Variants in GNA14 observed in about 807,000 individuals in gnomAD.
GNA14 encodes the protein guanine nucleotide-binding protein subunit alpha-14.
In GNA14, 50 loss-of-function variants were observed where a neutral mutation model predicts 42.0. The ratio of observed to expected loss-of-function variants is 1.19; its 90% CI spans 0.95 to 1.51. GNA14 has a LOEUF of 1.51. Ranked by LOEUF, GNA14 falls within the 40% of genes most tolerant of loss-of-function variation. GNA14 has a pLI of 0.00. For synonymous variants in GNA14, 173 were observed against 163.1 expected (o/e 1.06, Z -0.46); for missense variants, 473 against 446.2 (o/e 1.06, Z -0.54).
At chr9:77,586,898 T>C (rs1453813389) in intron 1 of GNA14, among the ~76,000 whole-genome samples, 2 of 151,926 alleles carry the variant, frequency 1.3e-5, no homozygotes, top group Non-Finnish European at 2.9e-5. Flanking sequence ...ACTTTCCTAT[T>C]GGCACAGCTG....
At chr9:77,470,128 G>A (rs1836305279) in intron 2 of GNA14, among the ~76,000 whole-genome samples, 1 of 152,118 alleles carries the variant, frequency 6.6e-6, no homozygotes, top group Non-Finnish European at 1.5e-5. Flanking sequence ...TCCTCTGGAG[G>A]CGGAGAATGC....
intron 1 of GNA14, among the ~76,000 whole-genome samples, chr9:77,618,634 T>A (rs1372020563): frequency 2.1e-5 from 1 of 47,868 alleles, no homozygotes; most frequent in African/African-American, 9.8e-5. Flanking sequence ...TTTTTTTTTT[T>A]TTTTTTTTTT....
intron 1 of GNA14, among the ~76,000 whole-genome samples, chr9:77,575,366 G>A (rs1381524461): frequency 1.3e-5 from 2 of 152,046 alleles, no homozygotes; most frequent in East Asian, 3.9e-4. Context: ...TGGGCAACAA[G>A]AGTGAAACTC....
chr9:77,423,862 T>TG lies in GNA14; in HGVS notation c.*116dup, dbSNP rs375241851. The stretch of plus-strand genomic sequence containing the variant: ...CCCATCTCTGTCCCCACGATCTACA[T>TG]GACATCCTTAGTTCCTGGCATGGGG... On this transcript the variant is annotated 3_prime_UTR_variant, in exon 7 of 7. Coordinates refer to ENST00000341700, the MANE Select transcript of GNA14 (RefSeq NM_004297.4). 206 of 595,402 alleles carry TG rather than the reference T, an allele frequency of 3.5e-4. 2 individuals are homozygous for TG. Among genetic ancestry groups the TG allele is most frequent in the African/African-American group, 3.2e-3 (168 of 52,864 alleles). 36.9% of individuals were successfully genotyped at this position (595,402 alleles called of 1,614,324 possible). A position where few individuals can be genotyped will look rare whatever the true frequency, so the allele number is the denominator to read the frequency against.
At chr9:77,562,869 C>G (rs1000711961) in intron 1 of GNA14, among the ~76,000 whole-genome samples, 4 of 152,168 alleles carry the variant, frequency 2.6e-5, no homozygotes, top group Admixed American at 1.3e-4. Flanking sequence ...TCCAAGCCAA[C>G]TCACTGTAAG....
At chr9:77,531,890 AGAG>A (rs140119387) in intron 1 of GNA14, among the ~76,000 whole-genome samples, 10,208 of 152,262 alleles carry the variant, frequency 0.067, 1,142 homozygotes, top group African/African-American at 0.23. Context: ...GGTTCATACA[AGAG>A]AAGATATAGA....
At chr9:77,533,662 C>T (rs2131771643) in intron 1 of GNA14, among the ~76,000 whole-genome samples, 1 of 152,298 alleles carries the variant, frequency 6.6e-6, no homozygotes, top group South Asian at 2.1e-4. Flanking sequence ...AAAACTGCTC[C>T]TGGTCTAAGA....
intron 2 of GNA14, among the ~76,000 whole-genome samples, chr9:77,456,008 G>A (rs915546887): frequency 1.3e-5 from 2 of 152,136 alleles, no homozygotes; most frequent in South Asian, 4.1e-4. Flanking sequence ...GTTGTATAAG[G>A]AAATAGGGTA....
chr9:77,584,639 G>A (rs1398139527), intron 1 of GNA14, among the ~76,000 whole-genome samples: 1 of 152,164 alleles, frequency 6.6e-6, no homozygotes, highest in Admixed American at 6.5e-5. Flanking sequence ...CAGACCCCAG[G>A]AAAGGGTTCT....
At chr9:77,599,840 G>A (rs554142215) in intron 1 of GNA14, among the ~76,000 whole-genome samples, 5 of 152,258 alleles carry the variant, frequency 3.3e-5, no homozygotes, top group Admixed American at 6.5e-5. Flanking sequence ...CCCAGGATGA[G>A]GTGGCTAGTG....
chr9:77,432,162 CTG>C (rs1291441118), intron 3 of GNA14, among the ~76,000 whole-genome samples: 5 of 149,746 alleles, frequency 3.3e-5, no homozygotes, highest in East Asian at 2.0e-4. Flanking sequence ...GGTAAAATAA[CTG>C]TAACTCAGGC....
intron 1 of GNA14, among the ~76,000 whole-genome samples, chr9:77,576,350 C>T (rs947638704): frequency 2.0e-5 from 3 of 152,066 alleles, no homozygotes; most frequent in East Asian, 1.9e-4. Flanking sequence ...GATAGTGTAC[C>T]GAATACTGAA....
intron 1 of GNA14, among the ~76,000 whole-genome samples, chr9:77,581,286 A>T (rs1823220221): frequency 6.6e-6 from 1 of 152,114 alleles, no homozygotes; most frequent in Admixed American, 6.6e-5. Flanking sequence ...TTATGTTTGG[A>T]ATCAGTTCTT....
chr9:77,595,327 A>C (rs1349151191), intron 1 of GNA14, among the ~76,000 whole-genome samples: 1 of 152,216 alleles, frequency 6.6e-6, no homozygotes, highest in Non-Finnish European at 1.5e-5. Flanking sequence ...TCAACACCAA[A>C]GAGGCCATCA....
intron 2 of GNA14, among the ~76,000 whole-genome samples, chr9:77,478,647 G>A (rs942129900): frequency 1.3e-5 from 2 of 152,178 alleles, no homozygotes; most frequent in African/African-American, 2.4e-5. Flanking sequence ...CCCACCAACA[G>A]TATAAAAGTG....
At chr9:77,503,848 C>T (rs1300993072) in intron 2 of GNA14, among the ~76,000 whole-genome samples, 2 of 151,650 alleles carry the variant, frequency 1.3e-5, no homozygotes, top group African/African-American at 2.4e-5. Context: ...GGGGTTTCAC[C>T]GTAATATATT....
At chr9:77,460,406 G>A (rs1448579270) in intron 2 of GNA14, among the ~76,000 whole-genome samples, 1 of 152,212 alleles carries the variant, frequency 6.6e-6, no homozygotes, top group Non-Finnish European at 1.5e-5. Flanking sequence ...GGCTCCAGGG[G>A]GAACCAGCCC....
intron 1 of GNA14, among the ~76,000 whole-genome samples, chr9:77,537,641 T>G (rs1837613891): frequency 6.6e-6 from 1 of 152,236 alleles, no homozygotes; most frequent in Non-Finnish European, 1.5e-5. Flanking sequence ...TTTTGAGTTG[T>G]TGGAGAATTC....
intron 1 of GNA14, among the ~76,000 whole-genome samples, chr9:77,615,700 AATACACACACACACACAC>A (rs1389679403): frequency 9.4e-6 from 1 of 106,450 alleles, no homozygotes; most frequent in African/African-American, 3.9e-5. Context: ...TTGAAAATGA[AATACACACACACACACAC>A]ACACACACAC....
Sources: gnomAD v4.1 joint callset for allele counts (sites outside exome capture counted in the v4.1 genomes callset) on GRCh38, gnomAD v4.1.1 for gene constraint, MANE v1.5 for transcripts, NCBI Gene and HGNC (gene_info 2026-07-23, HGNC 2026-07-21) for gene names.